The following WWOX variants were observed in gnomAD, a reference collection of about 807,000 sequenced individuals.
The protein encoded by WWOX is WW domain-containing oxidoreductase.
A neutral mutation model predicts 46.2 loss-of-function variants in WWOX; 69 were observed. That is an observed-to-expected ratio of 1.49 (90% confidence interval 1.23 to 1.82). The LOEUF (loss-of-function observed/expected upper bound fraction) is 1.82, where lower values mean the gene tolerates loss of function less well. Among genes scored for constraint, WWOX ranks in the 40% most tolerant of loss-of-function variants. The probability of loss-of-function intolerance (pLI) is 0.00; values close to 1 mark genes in which losing one functional copy is unlikely to be tolerated. For missense variants in WWOX, 919 were observed against 542.6 expected (o/e 1.69, Z -6.89); for synonymous variants, 359 against 202.6 (o/e 1.77, Z -6.56).
chr16:78,342,220 G>A (rs1237390239), intron 5 of WWOX, among the ~76,000 whole-genome samples: 4 of 121,298 alleles, frequency 3.3e-5, no homozygotes, highest in African/African-American at 1.1e-4. Flanking sequence ...TTTAGTCAGG[G>A]TACATAAGTG....
At chr16:79,101,158 C>T (rs2049184865) in intron 8 of WWOX, 1 of 152,246 alleles carries the variant, frequency 6.6e-6, no homozygotes, top group East Asian at 1.9e-4. Context: ...AGAAAAGTCT[C>T]CAGAAATTGG....
At chr16:78,931,396 A>G (rs1030483844) in intron 8 of WWOX, among the ~76,000 whole-genome samples, 2 of 152,194 alleles carry the variant, frequency 1.3e-5, no homozygotes, top group Middle Eastern at 6.3e-3. Context: ...CGGAAGAATG[A>G]TGGAGGGAGA....
chr16:78,331,316 T>C (rs1881446065), intron 5 of WWOX, among the ~76,000 whole-genome samples: 1 of 152,230 alleles, frequency 6.6e-6, no homozygotes, highest in South Asian at 2.1e-4. Flanking sequence ...ATGAAGGTAA[T>C]ATTGGCATAT....
chr16:78,124,505 GA>G (rs1445793445), intron 4 of WWOX, among the ~76,000 whole-genome samples: 2 of 152,134 alleles, frequency 1.3e-5, no homozygotes, highest in African/African-American at 4.8e-5. Context: ...GGGTCACTAG[GA>G]GGCCTTCTTG....
chr16:78,271,059 G>A (rs1004583641), intron 5 of WWOX, among the ~76,000 whole-genome samples: 5 of 152,090 alleles, frequency 3.3e-5, no homozygotes, highest in Non-Finnish European at 7.4e-5. Flanking sequence ...AGATTTTTAG[G>A]TTTATTTATC....
chr16:78,127,096 G>A (rs2033393946), intron 4 of WWOX, among the ~76,000 whole-genome samples: 1 of 152,156 alleles, frequency 6.6e-6, no homozygotes, highest in African/African-American at 2.4e-5. Context: ...ACCTAGTTTT[G>A]AAACCTGGGA....
At chr16:79,000,570 G>T (rs1053569818) in intron 8 of WWOX, among the ~76,000 whole-genome samples, 1 of 152,136 alleles carries the variant, frequency 6.6e-6, no homozygotes, top group Non-Finnish European at 1.5e-5. Context: ...CAGGAGCCAA[G>T]GAATTCAGGC....
intron 8 of WWOX, among the ~76,000 whole-genome samples, chr16:78,449,049 A>G (rs746001540): frequency 6.6e-6 from 1 of 152,178 alleles, no homozygotes; most frequent in East Asian, 1.9e-4. Flanking sequence ...ACCTATGTCA[A>G]GTAGGCATTA....
At chr16:79,106,439 G>T (rs1555528566) in intron 8 of WWOX, among the ~76,000 whole-genome samples, 1 of 151,990 alleles carries the variant, frequency 6.6e-6, no homozygotes, top group Non-Finnish European at 1.5e-5. Flanking sequence ...CAAGATTGAG[G>T]GATTCTGGGA....
intron 8 of WWOX, among the ~76,000 whole-genome samples, chr16:78,938,024 C>T (rs1259874249): frequency 6.6e-6 from 1 of 152,214 alleles, no homozygotes; most frequent in African/African-American, 2.4e-5. Flanking sequence ...TTGCTGTCCT[C>T]ACCGTCCTAT....
rs964264627 is a variant in WWOX, at chr16:78,910,711, G to T, written c.1057-300897G>T. On this transcript the variant is annotated intron_variant, in intron 8 of 8. Coordinates refer to ENST00000566780, the MANE Select transcript of WWOX (RefSeq NM_016373.4). ...CATGGTGGCAGGCAAGAGAACTTGT[G>T]CAGGGGAACTCCCCTTTATAAAACC... 1.3e-5 allele frequency among the ~76,000 whole-genome samples: 2 copies of T among 151,902 alleles called. 1 individual carries two copies. Among genetic ancestry groups the T allele is most frequent in the Non-Finnish European group, 2.9e-5 (2 of 67,998 alleles).
intron 8 of WWOX, among the ~76,000 whole-genome samples, chr16:78,518,480 C>T (rs149672784): frequency 2.0e-5 from 3 of 152,274 alleles, no homozygotes; most frequent in Admixed American, 6.5e-5. Context: ...CTCGGCCTCC[C>T]AAATTGCTGG....
chr16:78,700,450 A>G (rs2048190004), intron 8 of WWOX, among the ~76,000 whole-genome samples: 1 of 151,762 alleles, frequency 6.6e-6, no homozygotes, highest in Admixed American at 6.6e-5. Context: ...ACACCATCTT[A>G]TTGGGTGTTC....
intron 6 of WWOX, among the ~76,000 whole-genome samples, chr16:78,411,465 A>C (rs2082678595): frequency 1.3e-5 from 2 of 152,166 alleles, no homozygotes; most frequent in Non-Finnish European, 2.9e-5. Flanking sequence ...ATAAAGACCC[A>C]GACTTAATCA....
chr16:78,880,983 ATTTTTTTTCTTTTTTT>A (rs2044331022), intron 8 of WWOX, among the ~76,000 whole-genome samples: 1 of 124,446 alleles, frequency 8.0e-6, no homozygotes, highest in African/African-American at 3.0e-5. Context: ...GCTTCTGGTA[ATTTTTTTTCTTTTTTT>A]TTTTTTTTTT....
At chr16:78,288,718 C>T (rs1226515714) in intron 5 of WWOX, among the ~76,000 whole-genome samples, 1 of 152,092 alleles carries the variant, frequency 6.6e-6, no homozygotes, top group Non-Finnish European at 1.5e-5. Context: ...GTCAGTTTTC[C>T]TTTATCGGAA....
chr16:78,573,422 A>T (rs1440027342), intron 8 of WWOX, among the ~76,000 whole-genome samples: 1 of 152,202 alleles, frequency 6.6e-6, no homozygotes, highest in Non-Finnish European at 1.5e-5. Context: ...ATGTGATGAA[A>T]ACATAAGAAT....
At chr16:78,545,220 T>G (rs901680886) in intron 8 of WWOX, among the ~76,000 whole-genome samples, 17 of 152,124 alleles carry the variant, frequency 1.1e-4, no homozygotes, top group African/African-American at 3.9e-4. Context: ...GGTCAAAACT[T>G]TTGTTGGGGA....
chr16:78,974,460 A>G (rs1816447994), intron 8 of WWOX, among the ~76,000 whole-genome samples: 1 of 152,170 alleles, frequency 6.6e-6, no homozygotes, highest in South Asian at 2.1e-4. Flanking sequence ...CCACAACAAA[A>G]TGGGATTCTG....
Sources: allele counts gnomAD v4.1 joint callset (sites outside exome capture counted in the v4.1 genomes callset), GRCh38; gene constraint gnomAD v4.1.1; transcripts MANE v1.5; gene names NCBI Gene and HGNC (gene_info 2026-07-23, HGNC 2026-07-21).